GSG1L: variants seen among roughly 807,000 people sequenced by gnomAD.
The protein encoded by GSG1L is GSG1 like.
A neutral mutation model predicts 42.1 loss-of-function variants in GSG1L; 24 were observed. That is an observed-to-expected ratio of 0.57 (90% confidence interval 0.41 to 0.80). The LOEUF (loss-of-function observed/expected upper bound fraction) is 0.80. Among genes scored for constraint, GSG1L ranks in the 30% least tolerant of loss-of-function variants. GSG1L has a pLI of 0.00. For synonymous variants in GSG1L, 215 were observed against 203.5 expected (o/e 1.06, Z -0.48); for missense variants, 445 against 472.2 (o/e 0.94, Z 0.53).
chr16:27,945,076 C>CAAA (rs34265192), intron 2 of GSG1L, among the ~76,000 whole-genome samples: 890 of 87,234 alleles, frequency 0.01, 17 homozygotes, highest in African/African-American at 0.027. Context: ...GACCCTGTCT[C>CAAA]AAAAAAAAAA....
At chr16:27,801,847 C>T (rs986297093) in intron 6 of GSG1L, among the ~76,000 whole-genome samples, 8 of 152,132 alleles carry the variant, frequency 5.3e-5, no homozygotes, top group African/African-American at 1.9e-4. Context: ...GCCTCCGTTT[C>T]CTCGTCTGTA....
intron 1 of GSG1L, among the ~76,000 whole-genome samples, chr16:28,041,306 C>T (rs750193909): frequency 1.3e-5 from 2 of 151,990 alleles, no homozygotes; most frequent in Non-Finnish European, 1.5e-5. Context: ...CAAACATTAG[C>T]TGGGTGTGTT....
intron 6 of GSG1L, among the ~76,000 whole-genome samples, chr16:27,793,025 T>G (rs1439800881): frequency 6.6e-6 from 1 of 152,268 alleles, no homozygotes; most frequent in Non-Finnish European, 1.5e-5. Context: ...AATTTCATTT[T>G]CCTACTCTGA....
chr16:27,888,444 CT>C (rs1186980433), intron 2 of GSG1L, among the ~76,000 whole-genome samples: 2 of 24,286 alleles, frequency 8.2e-5, no homozygotes, highest in Non-Finnish European at 2.5e-4. Flanking sequence ...TTCTTTCTTT[CT>C]TTCTTTCTTT....
rs965154428 is a variant in GSG1L at position 27,794,627 on chromosome 16, G to A, written c.899-3160C>T. 5.9e-5 allele frequency among the ~76,000 whole-genome samples: 9 copies of A among 152,114 alleles called. No individual in the cohort carries two copies. In the South Asian group the frequency reaches 1.2e-3, roughly 21 times the overall value. ...ATTACAGGCTTGAGCCACCGCGCCC[G>A]GCCCAAAACTTTCAAAGAAACTGAA... On this transcript the variant is annotated intron_variant, in intron 6 of 6. Transcript: ENST00000447459.
chr16:27,948,929 T>TTATTATTATTATTATTAC lies in GSG1L; in HGVS notation c.397+14226_397+14227insGTAATAATAATAATAATA, dbSNP rs1453453838. Among the ~76,000 whole-genome samples, 35 of 150,198 alleles carry TTATTATTATTATTATTAC rather than the reference T, an allele frequency of 2.3e-4. No individual in the cohort carries two copies. In the South Asian group the frequency reaches 7.4e-3, roughly 32 times the overall value. The stretch of plus-strand genomic sequence containing the variant: ...TGATCTATTATTATTATTATTATTA[T>TTATTATTATTATTATTAC]TATTTTGAGAAAAGATCTCATTCTG... On this transcript the variant is annotated intron_variant, in intron 2 of 6. Coordinates refer to ENST00000447459, the MANE Select transcript of GSG1L (RefSeq NM_001109763.2).
chr16:27,894,948 G>C (rs1337996982), intron 2 of GSG1L, among the ~76,000 whole-genome samples: 2 of 152,156 alleles, frequency 1.3e-5, no homozygotes, highest in African/African-American at 4.8e-5. Flanking sequence ...GGGCTGTCTG[G>C]AAGAGAGAAC....
chr16:27,994,145 G>C (rs1235033623), intron 1 of GSG1L, among the ~76,000 whole-genome samples: 1 of 152,180 alleles, frequency 6.6e-6, no homozygotes, highest in East Asian at 1.9e-4. Context: ...TGATACCACA[G>C]GAGAGGCTGC....
chr16:27,802,599 AC>A (rs1446385406), intron 6 of GSG1L, among the ~76,000 whole-genome samples: 2 of 151,802 alleles, frequency 1.3e-5, no homozygotes, highest in Non-Finnish European at 2.9e-5. Context: ...CTCTTTCCCC[AC>A]CGGCCTCTGG....
chr16:28,010,990 G>T (rs1008516237), intron 1 of GSG1L, among the ~76,000 whole-genome samples: 1 of 152,176 alleles, frequency 6.6e-6, no homozygotes, highest in African/African-American at 2.4e-5. Context: ...GAGGGGCTCT[G>T]ATGGGTCGTC....
chr16:27,805,962 C>A (rs938007162), intron 6 of GSG1L, among the ~76,000 whole-genome samples: 12 of 151,988 alleles, frequency 7.9e-5, no homozygotes, highest in African/African-American at 2.9e-4. Flanking sequence ...GGATTTCCCG[C>A]CTATTCTGCA....
At chr16:27,866,726 C>T (rs2083731079) in intron 3 of GSG1L, among the ~76,000 whole-genome samples, 1 of 152,164 alleles carries the variant, frequency 6.6e-6, no homozygotes, top group Admixed American at 6.5e-5. Flanking sequence ...CTTGCACCAC[C>T]ATGCCAGGTT....
At position 27,927,994 on chromosome 16, in the gene GSG1L, T is replaced by A. The variant is rs1455606369; in HGVS notation, c.397+35162A>T. Among the ~76,000 whole-genome samples the A allele has an allele frequency of 2.6e-5, 4 of 152,302 alleles. No individual in the cohort carries two copies. The South Asian group carries it at 8.3e-4, about 32-fold the overall frequency. ...GCTTTATCATCATTTCCTCATTGCTTAAGTCATTCTTAGGGTTATTTTGTT... is the reference window on the plus strand; with the variant it reads ...GCTTTATCATCATTTCCTCATTGCTAAAGTCATTCTTAGGGTTATTTTGTT... On this transcript the variant is annotated intron_variant, in intron 2 of 6. Coordinates refer to ENST00000447459, the MANE Select transcript of GSG1L (RefSeq NM_001109763.2).
chr16:27,888,479 T>TTTC (rs1567505877), intron 2 of GSG1L, among the ~76,000 whole-genome samples: 2 of 44,388 alleles, frequency 4.5e-5, no homozygotes, highest in African/African-American at 1.5e-4. Flanking sequence ...TCTCTCTCTC[T>TTTC]TTCCTTTCTT....
intron 1 of GSG1L, among the ~76,000 whole-genome samples, chr16:27,979,797 GAAAGAAAGAAAGAAAGA>G (rs2085304623): frequency 8.7e-6 from 1 of 114,800 alleles, no homozygotes; most frequent in African/African-American, 3.5e-5. Flanking sequence ...AGAAAGAAAG[GAAAGAAAGAAAGAAAGA>G]AAAGAAAGAA....
chr16:28,051,749 A>G (rs1567570544), intron 1 of GSG1L, among the ~76,000 whole-genome samples: 2 of 152,158 alleles, frequency 1.3e-5, no homozygotes, highest in Non-Finnish European at 2.9e-5. Flanking sequence ...AACGAGGAAG[A>G]GCATCATGGG....
At chr16:27,814,061 A>G (rs1008600923) in intron 5 of GSG1L, among the ~76,000 whole-genome samples, 1 of 152,178 alleles carries the variant, frequency 6.6e-6, no homozygotes, top group Middle Eastern at 3.2e-3. Context: ...CACTACTGCT[A>G]TCTTTAAACT....
At chr16:28,039,031 G>A (rs1419345311) in intron 1 of GSG1L, among the ~76,000 whole-genome samples, 1 of 152,184 alleles carries the variant, frequency 6.6e-6, no homozygotes, top group Admixed American at 6.5e-5. Flanking sequence ...GCAAATTGGT[G>A]TGGGGGCTGC....
At chr16:27,819,759 A>G (rs1156749128) in intron 5 of GSG1L, among the ~76,000 whole-genome samples, 1 of 152,122 alleles carries the variant, frequency 6.6e-6, no homozygotes. Context: ...GCCATGGGAA[A>G]CCACTCCAGT....
Sources: gnomAD v4.1 joint callset for allele counts (sites outside exome capture counted in the v4.1 genomes callset) on GRCh38, gnomAD v4.1.1 for gene constraint, MANE v1.5 for transcripts, NCBI Gene and HGNC (gene_info 2026-07-23, HGNC 2026-07-21) for gene names.